DCAF8: variants seen among roughly 807,000 people sequenced by gnomAD.
DCAF8 encodes DDB1 and CUL4 associated factor 8, also known as DDB1- and CUL4-associated factor 8.
A neutral mutation model predicts 68.0 loss-of-function variants in DCAF8; 20 were observed. That is an observed-to-expected ratio of 0.29 (90% confidence interval 0.21 to 0.43). DCAF8 has a LOEUF of 0.43. Ranked by LOEUF, DCAF8 falls within the 20% of genes least tolerant of loss-of-function variation. The pLI, the probability that DCAF8 is intolerant of heterozygous loss-of-function variation, is 1.00. For missense variants in DCAF8, 460 were observed against 771.0 expected, an observed-to-expected ratio of 0.60 and a Z score of 4.78; for synonymous variants, 230 against 276.9, an observed-to-expected ratio of 0.83 and a Z score of 1.68.
chr1:160,254,915 C>A (rs762717013), intron 2 of DCAF8, among the ~76,000 whole-genome samples: 5 of 152,190 alleles, frequency 3.3e-5, no homozygotes, highest in Non-Finnish European at 5.9e-5. Flanking sequence ...TTGAGTTTTT[C>A]TTTTGTAAAA....
intron 7 of DCAF8, among the ~76,000 whole-genome samples, chr1:160,226,858 G>C (rs548451805): frequency 7.9e-5 from 12 of 152,252 alleles, no homozygotes; most frequent in African/African-American, 2.6e-4. Flanking sequence ...ATATCCATTT[G>C]TTAAGTAGGT....
chr1:160,236,667 CTA>C (rs1430476587), intron 6 of DCAF8, among the ~76,000 whole-genome samples: 4 of 152,080 alleles, frequency 2.6e-5, no homozygotes, highest in Admixed American at 6.6e-5. Context: ...TAAAATTTAC[CTA>C]TGAGTCTCAG....
intron 6 of DCAF8, among the ~76,000 whole-genome samples, chr1:160,232,448 C>G (rs1429232842): frequency 6.6e-6 from 1 of 152,078 alleles, no homozygotes; most frequent in Non-Finnish European, 1.5e-5. Context: ...CAAGATCAGC[C>G]TGGACAACAC....
intron 2 of DCAF8, among the ~76,000 whole-genome samples, chr1:160,255,768 T>G (rs1333676184): frequency 6.6e-6 from 1 of 152,004 alleles, no homozygotes; most frequent in African/African-American, 2.4e-5. Context: ...TACAGGTGCA[T>G]GCCACTGCAG....
intron 7 of DCAF8, among the ~76,000 whole-genome samples, chr1:160,226,988 G>T (rs1268592679): frequency 6.6e-6 from 1 of 152,236 alleles, no homozygotes; most frequent in Non-Finnish European, 1.5e-5. Flanking sequence ...AAAATACAGA[G>T]AAGATTTTCC....
At chr1:160,253,585 T>C (rs1176471800) in intron 2 of DCAF8, among the ~76,000 whole-genome samples, 1 of 142,160 alleles carries the variant, frequency 7.0e-6, no homozygotes, top group Non-Finnish European at 1.5e-5. Context: ...GAGGCAAAGG[T>C]TGCAGTGAGC....
At chr1:160,223,569 T>C (rs760877972) in intron 10 of DCAF8, among the ~76,000 whole-genome samples, 1 of 152,176 alleles carries the variant, frequency 6.6e-6, no homozygotes. Context: ...TCCATCCCTA[T>C]TAAATCAGAA....
intron 13 of DCAF8, 156 bp from the exon 14 acceptor site, chr1:160,217,864 T>G: frequency 1.7e-6 from 1 of 593,806 alleles, no homozygotes; most frequent in Non-Finnish European, 3.0e-6. Context: ...GTCTATATGG[T>G]CTTTATTGCA....
At chr1:160,225,158 C>G (rs761370298) in intron 8 of DCAF8, 39 bp from the exon 9 acceptor site, 10 of 1,597,114 alleles carry the variant, frequency 6.3e-6, no homozygotes, top group African/African-American at 2.7e-5. Flanking sequence ...GCCCCACCCC[C>G]CCATTTGTTA....
At chr1:160,218,533 T>G (rs967631676) in intron 12 of DCAF8, 93 bp from the exon 13 acceptor site, 1 of 990,134 alleles carries the variant, frequency 1.0e-6, no homozygotes, top group East Asian at 2.4e-5. Context: ...AATAAAAGCT[T>G]CCCTTAAGTT....
rs1013429855 is a variant in DCAF8 at position 160,216,067 on chromosome 1, G to C, written c.*1525C>G. On this transcript the variant is annotated 3_prime_UTR_variant, in exon 14 of 14. Coordinates refer to ENST00000368074, the MANE Select transcript of DCAF8 (RefSeq NM_015726.4). ...AGCACTTAAGGGCAAGAATTCAGCT[G>C]GGACTTTCAGACTCAGTGACCAGTG... 6.6e-6 allele frequency: 1 copy of C among 152,142 alleles called. No homozygotes were observed. Among genetic ancestry groups the C allele is most frequent in the African/African-American group, 2.4e-5 (1 of 41,416 alleles). 9.4% of individuals were successfully genotyped at this position (152,142 alleles called of 1,614,324 possible). A position where few individuals can be genotyped will look rare whatever the true frequency, so the allele number is the denominator to read the frequency against.
intron 4 of DCAF8, chr1:160,239,069 T>C (rs1198206636): frequency 1.4e-6 from 1 of 730,190 alleles, no homozygotes; most frequent in Non-Finnish European, 1.7e-6. Flanking sequence ...TCTACTTTGA[T>C]TAAGAAAGTA....
rs777805700 is a variant in DCAF8, at chr1:160,224,491, A to G, written c.1260T>C (p.Asp420=). The change falls in exon 10 of 14, where the codon GAT becomes GAC. Residue 420 remains aspartate, a synonymous_variant. Coordinates refer to ENST00000368074, the MANE Select transcript of DCAF8 (RefSeq NM_015726.4). ...TGTATCTCTTAACATACTGGGCCCC[A>G]TCACTGTGAGAGGAGTTGAAGAGGT... is the stretch of plus-strand genomic sequence containing the variant. The part of the protein sequence containing the change: ...DIYLFNSSHS[D]GAQYVKRYKG... 2.5e-6 allele frequency: 4 copies of G among 1,614,152 alleles called. No individual in the cohort carries two copies. The South Asian group carries it at 4.4e-5, about 18-fold the overall frequency.
intron 2 of DCAF8, among the ~76,000 whole-genome samples, chr1:160,244,601 A>C (rs992878308): frequency 2.0e-5 from 3 of 151,858 alleles, no homozygotes; most frequent in African/African-American, 7.3e-5. Context: ...ACTAACTTCA[A>C]ACCTATTATT....
At chr1:160,250,114 C>T (rs1454496277) in intron 2 of DCAF8, among the ~76,000 whole-genome samples, 1 of 151,948 alleles carries the variant, frequency 6.6e-6, no homozygotes, top group Non-Finnish European at 1.5e-5. Flanking sequence ...TAGGCCAACT[C>T]AAAAAAGGAT....
chr1:160,239,890 C>G lies in DCAF8; in HGVS notation c.530G>C (p.Arg177Thr), dbSNP rs1247073753. Residue 177 changes from arginine to threonine, a missense_variant, in exon 4 of 14, where the codon AGA (arginine) becomes ACA (threonine). Physicochemically the swap from Arg to Thr is moderately conservative, Grantham distance 71. This residue lies in a region of DCAF8 where 170 missense variants were observed against 318.2 expected (regional missense o/e 0.53). Coordinates refer to ENST00000368074, the MANE Select transcript of DCAF8 (RefSeq NM_015726.4). ...CAGGCGGAAACGCTGCACAAAGACT[C>G]TTGCCCCACAGGCCTCATAGACAAA... ...ARFVYEACGA[R>T]VFVQRFRLQH... The G allele has an allele frequency of 6.2e-7, 1 of 1,614,158 alleles. No individual in the cohort carries two copies. Among genetic ancestry groups the G allele is most frequent in the African/African-American group, 1.3e-5 (1 of 74,958 alleles).
intron 10 of DCAF8, 81 bp from the exon 11 acceptor site, chr1:160,222,862 A>G: frequency 1.9e-6 from 3 of 1,573,274 alleles, no homozygotes; most frequent in Non-Finnish European, 2.6e-6. Flanking sequence ...GAATTTAGTT[A>G]TTCACAAACT....
intron 2 of DCAF8, among the ~76,000 whole-genome samples, chr1:160,258,645 T>G (rs1656935701): frequency 6.7e-6 from 1 of 150,070 alleles, no homozygotes; most frequent in Non-Finnish European, 1.5e-5. Context: ...ATTAGCTAGG[T>G]ATGGTGATAT....
At chr1:160,239,030 A>C (rs1310678309) in intron 4 of DCAF8, 2 of 475,532 alleles carry the variant, frequency 4.2e-6, no homozygotes, top group Non-Finnish European at 6.1e-6. Context: ...TGTATCTAGC[A>C]GAGGAGAAAA....
Sources: gnomAD v4.1 joint callset for allele counts (sites outside exome capture counted in the v4.1 genomes callset) on GRCh38, gnomAD v4.1.1 for gene constraint, gnomAD v4.1.1 regional missense constraint, MANE v1.5 for transcripts, NCBI Gene and HGNC (gene_info 2026-07-23, HGNC 2026-07-21) for gene names.